CHRNB4: variants seen among roughly 807,000 people sequenced by gnomAD.
The protein encoded by CHRNB4 is cholinergic receptor nicotinic beta 4 subunit.
A neutral mutation model predicts 40.4 loss-of-function variants in CHRNB4; 23 were observed. The ratio of observed to expected loss-of-function variants is 0.57; its 90% CI spans 0.41 to 0.81. CHRNB4 has a LOEUF of 0.81. Among genes scored for constraint, CHRNB4 ranks in the 30% least tolerant of loss-of-function variants. The pLI, the probability that CHRNB4 is intolerant of heterozygous loss-of-function variation, is 0.00. For synonymous variants in CHRNB4, 285 were observed against 274.4 expected (o/e 1.04, Z -0.38); for missense variants, 568 against 670.6 (o/e 0.85, Z 1.69).
rs561683947 is a variant in CHRNB4, at chr15:78,631,141, C to T, written c.294G>A (p.Glu98=). ...YRLTWNSSRY[E]GVNILRIPAK... is the part of the protein sequence containing the mutation. ...CAGGGATCCTCAGGATGTTCACACC[C>T]TCGTAGCGGGAGCTGTTCCAGGTCA... Residue 98 remains glutamate (E), a synonymous_variant, in exon 4 of 6, where the codon GAG becomes GAA. Coordinates refer to ENST00000261751, the MANE Select transcript of CHRNB4 (RefSeq NM_000750.5). The T allele has an allele frequency of 1.2e-4, 193 of 1,614,254 alleles. 5 individuals are homozygous for T. The South Asian group carries it at 1.7e-3, about 15-fold the overall frequency.
intron 7 of CHRNB4, among the ~76,000 whole-genome samples, chr15:78,647,797 T>C (rs1436885322): frequency 7.3e-6 from 1 of 137,658 alleles, no homozygotes; most frequent in Admixed American, 7.9e-5. Context: ...GAGGCGGAGC[T>C]TGCACTGAGC....
In CHRNB4 at chr15:78,624,919, C is replaced by G; in HGVS notation, c.*214G>C. 6.8e-7 allele frequency: 1 copy of G among 1,467,364 alleles called. No individual in the cohort carries two copies. The highest frequency in any genetic ancestry group is 9.0e-7 in the Non-Finnish European group (1 of 1,109,264). 90.9% of individuals were successfully genotyped at this position (1,467,364 alleles called of 1,614,324 possible). ...CCAGAATTGAACTGTCTGAAGCTCC[C>G]TCCTACTGGGGCTTCCTGGGATCCC... On this transcript the variant is annotated 3_prime_UTR_variant, in exon 6 of 6. Transcript: ENST00000261751.
chr15:78,653,763 G>A (rs2054191520), intron 5 of CHRNB4, among the ~76,000 whole-genome samples: 1 of 152,188 alleles, frequency 6.6e-6, no homozygotes, highest in Non-Finnish European at 1.5e-5. Flanking sequence ...AAGTCCTCCT[G>A]TTGCGGGGGC....
chr15:78,632,245 CTCTCTCTCTCTTTCTT>C (rs1472844959), intron 2 of CHRNB4, among the ~76,000 whole-genome samples: 4 of 86,896 alleles, frequency 4.6e-5, no homozygotes, highest in African/African-American at 3.2e-4. Context: ...CTCTCTCTCT[CTCTCTCTCTCTTTCTT>C]TCTTTCTTTC....
rs534547966 is a variant in CHRNB4 at position 78,629,301 on chromosome 15, C to T, written c.1004G>A (p.Arg335His). The stretch of plus-strand genomic sequence containing the variant: ...GGTAGGCAGCTTGTGCAGGAAGCAG[C>T]GCTTGACCCAGGGTGCCATGGTGTG... ...STHTMAPWVK[R>H]CFLHKLPTFL... The change falls in exon 5 of 6, where the codon CGC becomes CAC. Residue 335 changes from arginine (R) to histidine (H), a missense_variant. By Grantham distance (29) the Arg-to-His change is conservative. Around this residue, in one of 4 missense-constraint regions of CHRNB4, gnomAD observed 242 missense variants for 274.9 expected, o/e 0.88. Coordinates refer to ENST00000261751, the MANE Select transcript of CHRNB4 (RefSeq NM_000750.5). The surrounding 1 kb of genome is among the most constrained non-coding windows in gnomAD (Gnocchi z 6.8). 24 of 1,613,740 alleles carry T rather than the reference C, an allele frequency of 1.5e-5. No homozygotes were observed. Among genetic ancestry groups the T allele is most frequent in the African/African-American group, 4.0e-5 (3 of 75,014 alleles).
rs1222713625 is a variant in CHRNB4 at position 78,641,125 on chromosome 15, G to A, written c.9C>T (p.Arg3=). 1.9e-6 allele frequency: 3 copies of A among 1,569,006 alleles called. No individual in the cohort carries two copies. The highest frequency in any genetic ancestry group is 1.7e-4 in the Middle Eastern group (1 of 5,954). ...GGAAGAAAAGGACCAGGGAAGGCGC[G>A]CGCCTCATGGCCGGCGGGGCCGGGT... MR[R]APSLVLFFLV... is the part of the protein sequence containing the mutation. Residue 3 remains arginine (R), a synonymous_variant, in exon 1 of 6, where the codon CGC becomes CGT. Coordinates refer to ENST00000261751, the MANE Select transcript of CHRNB4 (RefSeq NM_000750.5).
intron 2 of CHRNB4, chr15:78,634,778 G>A (rs1240336429): frequency 2.2e-6 from 1 of 455,930 alleles, no homozygotes; most frequent in Non-Finnish European, 4.4e-6. Flanking sequence ...AATAGGCCAT[G>A]GTTCCCTCTG....
At chr15:78,643,615 A>G (rs746006776), upstream of CHRNB4, among the ~76,000 whole-genome samples, 1 of 152,166 alleles carries the variant, frequency 6.6e-6, no homozygotes, top group Non-Finnish European at 1.5e-5. Context: ...AACATCAGAA[A>G]TGTATGTGAT....
intron 2 of CHRNB4, among the ~76,000 whole-genome samples, chr15:78,634,985 C>A (rs1472414210): frequency 6.6e-6 from 1 of 152,176 alleles, no homozygotes; most frequent in Non-Finnish European, 1.5e-5. Flanking sequence ...TCAATAGGTG[C>A]TGCACTGCCT....
At chr15:78,661,255 C>G (rs144669826), upstream of CHRNB4, 2 of 604,004 alleles carry the variant, frequency 3.3e-6, no homozygotes, top group African/African-American at 3.7e-5. Flanking sequence ...GAGGATCTTG[C>G]CCCCTGCCCC....
intron 2 of CHRNB4, chr15:78,634,751 G>T: frequency 2.2e-6 from 1 of 455,978 alleles, no homozygotes; most frequent in Non-Finnish European, 4.4e-6. Context: ...TGTGGATGGG[G>T]ACATGGGAAG....
upstream of CHRNB4, chr15:78,660,992 CTT>C (rs1858528497): frequency 5.2e-5 from 25 of 478,518 alleles, 1 homozygote; most frequent in South Asian, 3.9e-4. Context: ...TCTTTCCTCT[CTT>C]TCTCTCTTCT....
Position 78,632,207 on chromosome 15 carries a change from T to C in CHRNB4, c.205-875A>G, listed in dbSNP as rs1383523862. On this transcript the variant is annotated intron_variant, in intron 2 of 5. Transcript: ENST00000261751. ...TTTCTTTCTTTCTTTCTTTCTTTCT[T>C]TCTTTCTCTTTCTCTCTCTCTCTCT... 7.3e-4 allele frequency among the ~76,000 whole-genome samples: 64 copies of C among 88,228 alleles called. 1 individual carries two copies. Among genetic ancestry groups the C allele is most frequent in the African/African-American group, 4.7e-3 (61 of 13,058 alleles). 57.9% of individuals were successfully genotyped at this position (88,228 alleles called of 152,430 possible).
chr15:78,649,521 GA>G (rs2141407564), intron 6 of CHRNB4: 2 of 382,438 alleles, frequency 5.2e-6, no homozygotes, highest in South Asian at 3.9e-5. Flanking sequence ...GACTGCAACA[GA>G]GACCATATGT....
Position 78,629,633 on chromosome 15 carries a change from G to A in CHRNB4, c.672C>T (p.Tyr224=), listed in dbSNP as rs201350469. 8.7e-6 allele frequency: 14 copies of A among 1,614,144 alleles called. No individual in the cohort carries two copies. Among genetic ancestry groups the A allele is most frequent in the Admixed American group, 1.7e-5 (1 of 60,024 alleles). ...PQDPSYVDVT[Y]DFIIKRKPLF... Reference sequence around the variant, plus strand: ...GAGGCTTGCGCTTGATGATGAAGTCGTAAGTCACGTCCACGTAGCTGGGGT... The same window carrying A: ...GAGGCTTGCGCTTGATGATGAAGTCATAAGTCACGTCCACGTAGCTGGGGT... Residue 224 remains tyrosine, a synonymous_variant, in exon 5 of 6, where the codon TAC becomes TAT. Transcript: ENST00000261751. The surrounding 1 kb of genome is among the most constrained non-coding windows in gnomAD (Gnocchi z 6.8).
At position 78,629,081 on chromosome 15, in the gene CHRNB4, G is replaced by T. The variant is rs1360365794; in HGVS notation, c.1224C>A (p.Ile408=). The change falls in exon 5 of 6, where the codon ATC becomes ATA. Residue 408 remains isoleucine (I), a synonymous_variant. Coordinates refer to ENST00000261751, the MANE Select transcript of CHRNB4 (RefSeq NM_000750.5). The surrounding 1 kb of genome is among the most constrained non-coding windows in gnomAD (Gnocchi z 6.8). ...AGGACCGCAGCCAGAAATCCCTGGGGATAGCCACCGGGGTAGAGCCGGCTG... is the reference window on the plus strand; with the variant it reads ...AGGACCGCAGCCAGAAATCCCTGGGTATAGCCACCGGGGTAGAGCCGGCTG... The part of the protein sequence containing the change: ...KSPAGSTPVA[I]PRDFWLRSSG... 1 of 1,614,200 alleles carries T rather than the reference G, an allele frequency of 6.2e-7. No homozygotes were observed. The highest frequency in any genetic ancestry group is 1.7e-5 in the Admixed American group (1 of 60,022).
rs564400442 is a variant in CHRNB4, at chr15:78,657,825, T to C, written c.-760-442A>G. 2.7e-5 allele frequency among the ~76,000 whole-genome samples: 4 copies of C among 150,878 alleles called. No homozygotes were observed. In the East Asian group the frequency reaches 7.8e-4, roughly 29 times the overall value. On this transcript the variant is annotated intron_variant and NMD_transcript_variant, in intron 2 of 11. Transcript: ENST00000559849. ...CCTCGGCCTCCCAAAGTGCTGGAAT[T>C]ACAGGCCTGAGCCACCGCGCCTGGC...
chr15:78,637,932 A>G (rs2141392577), intron 1 of CHRNB4, among the ~76,000 whole-genome samples: 1 of 152,254 alleles, frequency 6.6e-6, no homozygotes, highest in African/African-American at 2.4e-5. Flanking sequence ...CAGCTGCTTG[A>G]GTACCCTGGA....
At chr15:78,657,509 C>G (rs1316042371) in intron 2 of CHRNB4, 1 of 152,182 alleles carries the variant, frequency 6.6e-6, no homozygotes, top group East Asian at 1.9e-4. Flanking sequence ...TTTGAGCTGG[C>G]TTGGGATGTC....
Sources: gnomAD v4.1 joint callset for allele counts (sites outside exome capture counted in the v4.1 genomes callset) on GRCh38, gnomAD v4.1.1 for gene constraint, gnomAD v4.1.1 regional missense constraint, Gnocchi (gnomAD v3.1) non-coding constraint, MANE v1.5 for transcripts, NCBI Gene and HGNC (gene_info 2026-07-23, HGNC 2026-07-21) for gene names.